Variants in NEBL observed in about 807,000 individuals in gnomAD.
The protein encoded by NEBL is nebulette.
In NEBL, 122 loss-of-function variants were observed where a neutral mutation model predicts 140.2. The observed-to-expected ratio is 0.87, with a 90% CI of 0.75 to 1.01. The LOEUF is 1.01. NEBL is among the 50% of genes least tolerant of loss of function. The pLI is 0.00. For missense variants in NEBL, 1,365 were observed against 1,231.3 expected (o/e 1.11, Z -1.62); for synonymous variants, 436 against 398.9 (o/e 1.09, Z -1.11).
At chr10:20,800,252 C>T (rs1836987470) in intron 26 of NEBL, among the ~76,000 whole-genome samples, 1 of 151,812 alleles carries the variant, frequency 6.6e-6, no homozygotes, top group Non-Finnish European at 1.5e-5. Flanking sequence ...GCTTATTTCA[C>T]TTAGTATAAT....
chr10:20,924,792 G>A (rs555888504), intron 4 of NEBL, among the ~76,000 whole-genome samples: 1 of 152,146 alleles, frequency 6.6e-6, no homozygotes, highest in East Asian at 1.9e-4. Flanking sequence ...GATTACAAAC[G>A]GTCGTTCAGT....
chr10:20,787,778 A>G (rs1009628193), intron 26 of NEBL, among the ~76,000 whole-genome samples: 4 of 152,202 alleles, frequency 2.6e-5, no homozygotes, highest in Admixed American at 1.3e-4. Flanking sequence ...TACTTTTACA[A>G]AGACGGCAAA....
intron 2 of NEBL, among the ~76,000 whole-genome samples, chr10:21,163,273 C>G (rs1023514862): frequency 1.3e-5 from 2 of 152,146 alleles, no homozygotes; most frequent in Non-Finnish European, 2.9e-5. Flanking sequence ...TACTCAGAAC[C>G]AAGTTTTCAG....
intron 3 of NEBL, among the ~76,000 whole-genome samples, chr10:21,182,704 A>G (rs2132206728): frequency 6.6e-6 from 1 of 152,352 alleles, no homozygotes; most frequent in Middle Eastern, 3.4e-3. Context: ...GAGAGCCGCA[A>G]ATGTGAGCCA....
intron 2 of NEBL, among the ~76,000 whole-genome samples, chr10:21,097,224 G>A (rs1032242421): frequency 3.8e-4 from 56 of 149,230 alleles, no homozygotes; most frequent in African/African-American, 1.2e-3. Flanking sequence ...AGGTCCGGGG[G>A]GGGGGTGGGG....
At position 20,845,717 on chromosome 10, in the gene NEBL, C is replaced by G. The variant is rs187815737; in HGVS notation, c.1117-349G>C. Among the ~76,000 whole-genome samples the G allele has an allele frequency of 1.8e-4, 27 of 152,218 alleles. No individual in the cohort carries two copies. The East Asian group carries it at 4.6e-3, about 26-fold the overall frequency. ...TGGTTTACTCCAAGGTGAGTGGATC[C>G]ACTGACTGGGGGAAAATCTGGTGGC... On this transcript the variant is annotated intron_variant, in intron 11 of 27. Transcript: ENST00000377122.
In NEBL at chr10:20,831,177, A is replaced by T; in HGVS notation, c.1671+19T>A. On this transcript the variant is annotated intron_variant, in intron 16 of 27. Coordinates refer to ENST00000377122, the MANE Select transcript of NEBL (RefSeq NM_006393.3). ...GACATTGGAATACACGATTCTGAGC[A>T]TCTTCATTCATGACCAACCTGGCTA... is the stretch of plus-strand genomic sequence containing the variant. 1 of 1,519,622 alleles carries T rather than the reference A, an allele frequency of 6.6e-7. No homozygotes were observed. Among genetic ancestry groups the T allele is most frequent in the South Asian group, 1.1e-5 (1 of 89,196 alleles). 94.1% of individuals were successfully genotyped at this position (1,519,622 alleles called of 1,614,324 possible). A position where few individuals can be genotyped will look rare whatever the true frequency, so the allele number is the denominator to read the frequency against.
chr10:21,270,094 C>T (rs1250267563), intron 1 of NEBL, among the ~76,000 whole-genome samples: 1 of 152,176 alleles, frequency 6.6e-6, no homozygotes, highest in Admixed American at 6.5e-5. Context: ...CACAACTGTA[C>T]TTGTATCCCC....
At chr10:20,985,556 C>T (rs1431813603) in intron 3 of NEBL, among the ~76,000 whole-genome samples, 1 of 152,130 alleles carries the variant, frequency 6.6e-6, no homozygotes, top group Non-Finnish European at 1.5e-5. Context: ...TCAATCTAAG[C>T]TGCTAATTAA....
At chr10:20,993,890 T>C (rs1837566506) in intron 3 of NEBL, among the ~76,000 whole-genome samples, 1 of 152,150 alleles carries the variant, frequency 6.6e-6, no homozygotes, top group South Asian at 2.1e-4. Flanking sequence ...ATATAATACA[T>C]TGGTTTATCA....
At chr10:21,270,979 T>C (rs1842854034) in intron 1 of NEBL, among the ~76,000 whole-genome samples, 1 of 152,176 alleles carries the variant, frequency 6.6e-6, no homozygotes, top group African/African-American at 2.4e-5. Flanking sequence ...CTCAAAAGAC[T>C]GAAAATAGAA....
At chr10:20,800,706 G>A (rs1054517772) in intron 26 of NEBL, among the ~76,000 whole-genome samples, 2 of 133,304 alleles carry the variant, frequency 1.5e-5, no homozygotes, top group African/African-American at 5.7e-5. Context: ...AAGAGAGGTT[G>A]CGATATTTGA....
chr10:21,206,402 G>A (rs73609233), intron 3 of NEBL, among the ~76,000 whole-genome samples: 10,115 of 152,184 alleles, frequency 0.066, 584 homozygotes, highest in African/African-American at 0.15. Flanking sequence ...TTCAGAAGTC[G>A]TTCCTTTTAC....
intron 4 of NEBL, among the ~76,000 whole-genome samples, chr10:20,927,461 A>T (rs1360652121): frequency 2.0e-5 from 3 of 152,316 alleles, no homozygotes. Flanking sequence ...AAGACACATA[A>T]AAGAGTTGAC....
At chr10:21,265,135 C>A (rs1042106515) in intron 1 of NEBL, among the ~76,000 whole-genome samples, 1 of 151,896 alleles carries the variant, frequency 6.6e-6, no homozygotes, top group Non-Finnish European at 1.5e-5. Context: ...GTTGGCCAGG[C>A]TGGTCTTGAA....
chr10:21,263,701 A>T (rs1842766464), intron 1 of NEBL, among the ~76,000 whole-genome samples: 1 of 152,190 alleles, frequency 6.6e-6, no homozygotes, highest in East Asian at 1.9e-4. Context: ...ACAGTGGCTC[A>T]CGCCTGTAAT....
At chr10:20,955,173 T>TA (rs1835732958) in intron 4 of NEBL, among the ~76,000 whole-genome samples, 2 of 152,156 alleles carry the variant, frequency 1.3e-5, no homozygotes, top group Non-Finnish European at 2.9e-5. Context: ...ATGCAAAGTA[T>TA]AAAGCACCAT....
In NEBL at chr10:20,859,795, A is replaced by T. The variant is rs1843482181; in HGVS notation, c.716T>A (p.Met239Lys). The change falls in exon 8 of 28, where the codon ATG becomes AAG. Residue 239 changes from methionine (M) to lysine (K), a missense_variant. This residue lies in a region of NEBL where 1,323 missense variants were observed against 1,154.8 expected (regional missense o/e 1.15). Coordinates refer to ENST00000377122, the MANE Select transcript of NEBL (RefSeq NM_006393.3). ...ATTGTAATGATGTTTCTTATCCTTCATTTCATTATCAAATTTTTCTTTGTA... is the reference window on the plus strand; with the variant it reads ...ATTGTAATGATGTTTCTTATCCTTCTTTTCATTATCAAATTTTTCTTTGTA... ...IKYKEKFDNE[M>K]KDKKHHYNPL... 1.3e-6 allele frequency: 2 copies of T among 1,580,992 alleles called. No individual in the cohort carries two copies. Among genetic ancestry groups the T allele is most frequent in the South Asian group, 2.3e-5 (2 of 88,728 alleles).
chr10:20,971,279 T>G (rs1836558356), intron 3 of NEBL, among the ~76,000 whole-genome samples: 1 of 152,190 alleles, frequency 6.6e-6, no homozygotes. Flanking sequence ...TATGTACACA[T>G]AATCCATATT....
Sources: allele counts gnomAD v4.1 joint callset (sites outside exome capture counted in the v4.1 genomes callset), GRCh38; gene constraint gnomAD v4.1.1; regional missense constraint gnomAD v4.1.1; transcripts MANE v1.5; gene names NCBI Gene and HGNC (gene_info 2026-07-23, HGNC 2026-07-21).